AKAP19: variants seen among roughly 807,000 people sequenced by gnomAD.
The protein encoded by AKAP19 is A-kinase anchoring protein 19.
the AKAP19 span, among the ~76,000 whole-genome samples, chr2:190,081,954 G>A: frequency 6.6e-6 from 1 of 152,088 alleles, no homozygotes; most frequent in Non-Finnish European, 1.5e-5. Context: ...TCCCCTAGGG[G>A]CTAAATAGAA....
chr2:190,128,677 T>C, the AKAP19 span, among the ~76,000 whole-genome samples: 1 of 152,258 alleles, frequency 6.6e-6, no homozygotes, highest in Non-Finnish European at 1.5e-5. Context: ...TCATAGATTT[T>C]TGGTTTGTTT....
the AKAP19 span, among the ~76,000 whole-genome samples, chr2:190,009,648 G>A: frequency 6.6e-6 from 1 of 152,160 alleles, no homozygotes; most frequent in Admixed American, 6.5e-5. Flanking sequence ...TAGACATTTG[G>A]ATAATCAAGT....
chr2:190,155,482 T>C, the AKAP19 span, among the ~76,000 whole-genome samples: 1 of 152,060 alleles, frequency 6.6e-6, no homozygotes, highest in Admixed American at 6.5e-5. Context: ...ATATAATGAA[T>C]AGAATAACTA....
chr2:189,951,930 TAGA>T, the AKAP19 span, among the ~76,000 whole-genome samples: 1 of 152,198 alleles, frequency 6.6e-6, no homozygotes, highest in Non-Finnish European at 1.5e-5. Flanking sequence ...GAACCAGGAA[TAGA>T]AGAACATTCT....
At chr2:190,196,206 TAA>T in the AKAP19 span, among the ~76,000 whole-genome samples, 1 of 152,092 alleles carries the variant, frequency 6.6e-6, no homozygotes, top group Non-Finnish European at 1.5e-5. Flanking sequence ...CCTTTCCTCA[TAA>T]GTCATACTTG....
At chr2:190,098,761 A>T in the AKAP19 span, among the ~76,000 whole-genome samples, 4 of 152,130 alleles carry the variant, frequency 2.6e-5, no homozygotes, top group Non-Finnish European at 5.9e-5. Flanking sequence ...CTACATTGAA[A>T]ATCTGTTGTT....
chr2:190,137,433 G>A, the AKAP19 span, among the ~76,000 whole-genome samples: 1 of 152,044 alleles, frequency 6.6e-6, no homozygotes, highest in Admixed American at 6.5e-5. Context: ...TCATTATCCT[G>A]GTCCCTGGAT....
chr2:190,163,462 A>C, the AKAP19 span, among the ~76,000 whole-genome samples: 375 of 150,990 alleles, frequency 2.5e-3, 3 homozygotes, highest in Admixed American at 6.0e-3. Flanking sequence ...AAACAAAAAA[A>C]AAAAAAACTG....
chr2:190,084,928 A>G, the AKAP19 span, among the ~76,000 whole-genome samples: 4 of 152,232 alleles, frequency 2.6e-5, no homozygotes, highest in South Asian at 8.3e-4. Flanking sequence ...TAGTGCATTG[A>G]AAAGGCCATG....
At chr2:189,982,260 A>G in the AKAP19 span, among the ~76,000 whole-genome samples, 1 of 152,078 alleles carries the variant, frequency 6.6e-6, no homozygotes, top group Admixed American at 6.5e-5. Context: ...TTAATCTTCA[A>G]GCTCTGAAAT....
At chr2:190,036,548 C>A in the AKAP19 span, among the ~76,000 whole-genome samples, 3 of 152,144 alleles carry the variant, frequency 2.0e-5, no homozygotes, top group East Asian at 3.9e-4. Context: ...TTACATTATC[C>A]TTTACCCTGG....
the AKAP19 span, among the ~76,000 whole-genome samples, chr2:189,950,127 A>C: frequency 4.9e-5 from 7 of 142,950 alleles, no homozygotes; most frequent in Admixed American, 3.0e-4. Flanking sequence ...TCCCAGATTC[A>C]AGTGATTCTC....
chr2:190,140,729 T>C, the AKAP19 span, among the ~76,000 whole-genome samples: 1 of 152,224 alleles, frequency 6.6e-6, no homozygotes, highest in East Asian at 1.9e-4. Flanking sequence ...GAGGGGCTGC[T>C]GTGAAGGTCT....
the AKAP19 span, among the ~76,000 whole-genome samples, chr2:190,007,794 C>G: frequency 0.038 from 5,720 of 152,168 alleles, 376 homozygotes; most frequent in African/African-American, 0.13. Flanking sequence ...AACCCTTTCT[C>G]TACTAAAAAT....
chr2:189,941,977 T>A, the AKAP19 span, among the ~76,000 whole-genome samples: 1 of 152,042 alleles, frequency 6.6e-6, no homozygotes. Flanking sequence ...AAAAAAGTAT[T>A]CCATGAAACT....
the AKAP19 span, among the ~76,000 whole-genome samples, chr2:190,156,978 G>A: frequency 2.0e-5 from 3 of 152,310 alleles, no homozygotes; most frequent in Admixed American, 2.0e-4. Flanking sequence ...GAAGACTGGA[G>A]ACAGAGTGAG....
chr2:189,993,206 C>G, the AKAP19 span, among the ~76,000 whole-genome samples: 1 of 152,098 alleles, frequency 6.6e-6, no homozygotes, highest in Non-Finnish European at 1.5e-5. Flanking sequence ...GCGGATTTTG[C>G]TGAGGGTTTT....
At chr2:190,190,747 TTA>T in the AKAP19 span, among the ~76,000 whole-genome samples, 6 of 152,140 alleles carry the variant, frequency 3.9e-5, no homozygotes, top group Non-Finnish European at 7.3e-5. Context: ...GTGTGGGTAA[TTA>T]TATTGTGGTT....
chr2:189,904,565 T>A, the AKAP19 span, among the ~76,000 whole-genome samples: 1 of 152,054 alleles, frequency 6.6e-6, no homozygotes. Context: ...GGAGTCATCA[T>A]CATTATCGTT....
Sources: gnomAD v4.1 joint callset for allele counts (sites outside exome capture counted in the v4.1 genomes callset) on GRCh38, gnomAD v4.1.1 for gene constraint, MANE v1.5 for transcripts, NCBI Gene and HGNC (gene_info 2026-07-23, HGNC 2026-07-21) for gene names.